The following MB21D2 variants were observed in gnomAD, a reference collection of about 807,000 sequenced individuals.
MB21D2 encodes nucleotidyltransferase MB21D2.
MB21D2 carries 9 observed loss-of-function variants against 33.3 expected under a neutral mutation model. The ratio of observed to expected loss-of-function variants is 0.27; its 90% CI spans 0.16 to 0.47. MB21D2 has a LOEUF of 0.47. Ranked by LOEUF, MB21D2 falls within the 20% of genes least tolerant of loss-of-function variation. MB21D2 has a pLI of 0.99. For synonymous variants in MB21D2, 241 were observed against 236.3 expected (o/e 1.02, Z -0.18); for missense variants, 540 against 624.6 (o/e 0.86, Z 1.44).
At chr3:192,906,318 A>G (rs1047461926) in intron 1 of MB21D2, among the ~76,000 whole-genome samples, 3 of 152,164 alleles carry the variant, frequency 2.0e-5, no homozygotes, top group Non-Finnish European at 4.4e-5. Context: ...GTGTGGTCCC[A>G]CCTGGAAAAC....
chr3:192,804,876 A>G (rs918585601), intron 1 of MB21D2, among the ~76,000 whole-genome samples: 1 of 152,244 alleles, frequency 6.6e-6, no homozygotes, highest in East Asian at 1.9e-4. Context: ...GGAACGTCTG[A>G]GATGTGGGCA....
Position 192,798,882 on chromosome 3 carries a change from A to G in MB21D2, c.980T>C (p.Ile327Thr). 6.2e-7 allele frequency: 1 copy of G among 1,613,590 alleles called. No individual in the cohort carries two copies. The highest frequency in any genetic ancestry group is 8.5e-7 in the Non-Finnish European group (1 of 1,179,812). ...IIKLLSRPKAISPYHLRSMML... is the reference protein window; with the variant it reads ...IIKLLSRPKATSPYHLRSMML... ...CATGCTCCGCAGGTGATAGGGGCTA[A>G]TAGCCTTGGGCCGGGACAGCAGTTT... is the stretch of plus-strand genomic sequence containing the variant. The change falls in exon 2 of 2, where the codon ATT becomes ACT. Residue 327 changes from isoleucine (I) to threonine (T), a missense_variant. Transcript: ENST00000392452. This position sits in a 1 kb window ranked among gnomAD's most constrained non-coding sequence, Gnocchi z 4.8.
At chr3:192,826,680 G>C (rs1483090008) in intron 1 of MB21D2, among the ~76,000 whole-genome samples, 1 of 152,192 alleles carries the variant, frequency 6.6e-6, no homozygotes, top group East Asian at 1.9e-4. Flanking sequence ...AGACAAGTTT[G>C]AGATTACAGA....
Position 192,803,883 on chromosome 3 carries a change from C to A in MB21D2, c.212-4233G>T, listed in dbSNP as rs114750343. ...GGAACAGAAGGAAGATGCACATACA[C>A]CACTGAGCTTGTTAGCAGCAAAACA... is the stretch of plus-strand genomic sequence containing the variant. On this transcript the variant is annotated intron_variant, in intron 1 of 1. Coordinates refer to ENST00000392452, the MANE Select transcript of MB21D2 (RefSeq NM_178496.4). 6.6e-3 allele frequency among the ~76,000 whole-genome samples: 1,001 copies of A among 152,270 alleles called. 17 individuals are homozygous for A. Among genetic ancestry groups the A allele is most frequent in the African/African-American group, 0.023 (937 of 41,546 alleles).
In MB21D2 at chr3:192,901,413, C is replaced by CAAAAAAAAAAAAAAAAAAAAA. The variant is rs71635401; in HGVS notation, c.211+16196_211+16216dup. On this transcript the variant is annotated intron_variant, in intron 1 of 1. Transcript: ENST00000392452. ...TGAAACCCCGTCTCTACTAAAAATTCAAAAAAAAAAAAAAAAAAAAAGACT... is the reference window on the plus strand; with the variant it reads ...TGAAACCCCGTCTCTACTAAAAATTCAAAAAAAAAAAAAAAAAAAAAAAAAAAAAAAAAAAAAAAAAAGACT... Among the ~76,000 whole-genome samples the CAAAAAAAAAAAAAAAAAAAAA allele has an allele frequency of 5.9e-5, 6 of 100,884 alleles. 1 individual carries two copies. Among genetic ancestry groups the CAAAAAAAAAAAAAAAAAAAAA allele is most frequent in the African/African-American group, 7.6e-5 (2 of 26,382 alleles). 66.2% of individuals were successfully genotyped at this position (100,884 alleles called of 152,430 possible).
intron 1 of MB21D2, among the ~76,000 whole-genome samples, chr3:192,868,395 C>T (rs925522939): frequency 1.3e-5 from 2 of 152,152 alleles, no homozygotes; most frequent in African/African-American, 2.4e-5. Flanking sequence ...AGCCAAGTAA[C>T]GGAAAGAAAC....
chr3:192,809,135 C>T (rs1711731229), intron 1 of MB21D2, among the ~76,000 whole-genome samples: 1 of 152,060 alleles, frequency 6.6e-6, no homozygotes, highest in Non-Finnish European at 1.5e-5. Context: ...CTCGCTCTGT[C>T]CCCAGGCTGG....
intron 1 of MB21D2, among the ~76,000 whole-genome samples, chr3:192,819,527 T>A (rs7629451): frequency 0.63 from 96,004 of 152,074 alleles, 31,876 homozygotes; most frequent in African/African-American, 0.84. Context: ...TCGGTTTTAC[T>A]TATTGGGCTT....
intron 1 of MB21D2, among the ~76,000 whole-genome samples, chr3:192,843,963 C>T (rs531036401): frequency 3.5e-4 from 54 of 152,280 alleles, no homozygotes; most frequent in African/African-American, 1.2e-3. Flanking sequence ...TGGGCCAGAG[C>T]ACCTGTCCTC....
chr3:192,837,151 A>C (rs1712458682), intron 1 of MB21D2, among the ~76,000 whole-genome samples: 1 of 152,174 alleles, frequency 6.6e-6, no homozygotes, highest in Non-Finnish European at 1.5e-5. Context: ...TCTGTTGACC[A>C]GAGTAAGTAT....
intron 1 of MB21D2, among the ~76,000 whole-genome samples, chr3:192,853,659 T>TA (rs1712854164): frequency 1.3e-5 from 2 of 151,990 alleles, no homozygotes; most frequent in Admixed American, 6.6e-5. Flanking sequence ...TTTTTTTTTT[T>TA]ATTCTCAAAA....
chr3:192,909,481 G>A (rs191754919), intron 1 of MB21D2, among the ~76,000 whole-genome samples: 49 of 152,112 alleles, frequency 3.2e-4, no homozygotes, highest in African/African-American at 8.9e-4. Flanking sequence ...AAAAACATAC[G>A]AACCACTAAT....
chr3:192,914,840 T>G (rs987728776), intron 1 of MB21D2, among the ~76,000 whole-genome samples: 2 of 151,790 alleles, frequency 1.3e-5, no homozygotes, highest in Non-Finnish European at 2.9e-5. Flanking sequence ...GACAGTGGAG[T>G]GTCTTGGTGT....
At chr3:192,873,255 C>A (rs556912573) in intron 1 of MB21D2, among the ~76,000 whole-genome samples, 1 of 152,300 alleles carries the variant, frequency 6.6e-6, no homozygotes, top group African/African-American at 2.4e-5. Flanking sequence ...GTTAACAATA[C>A]CCAAGTGTGT....
intron 1 of MB21D2, among the ~76,000 whole-genome samples, chr3:192,838,148 C>T (rs924887814): frequency 4.6e-5 from 7 of 152,178 alleles, no homozygotes; most frequent in Admixed American, 2.0e-4. Context: ...GACCAGAGGC[C>T]TCAGTTCTTC....
chr3:192,837,084 G>C (rs1021637277), intron 1 of MB21D2, among the ~76,000 whole-genome samples: 1 of 152,030 alleles, frequency 6.6e-6, no homozygotes, highest in East Asian at 1.9e-4. Context: ...TGACATTGAA[G>C]AACTAAAAAA....
At chr3:192,863,184 C>T (rs145320173) in intron 1 of MB21D2, among the ~76,000 whole-genome samples, 48 of 152,308 alleles carry the variant, frequency 3.2e-4, no homozygotes, top group African/African-American at 1.0e-3. Context: ...TGCCAAGCAG[C>T]CACCAGAGGC....
intron 1 of MB21D2, among the ~76,000 whole-genome samples, chr3:192,872,444 C>A (rs556781022): frequency 6.6e-6 from 1 of 151,534 alleles, no homozygotes; most frequent in Admixed American, 6.6e-5. Context: ...CACGTGGTGG[C>A]GAGCGCCTGT....
Position 192,798,797 on chromosome 3 carries a change from G to C in MB21D2, c.1065C>G (p.Ala355=). ...ANYLAQEDYA[A]HFLLGLIDDL... is the part of the protein sequence containing the mutation. ...CATCGATGAGGCCCAGCAAAAAGTG[G>C]GCTGCATAGTCTTCTTGAGCCAAGT... The change falls in exon 2 of 2, where the codon GCC becomes GCG. Residue 355 remains alanine, a synonymous_variant. Coordinates refer to ENST00000392452, the MANE Select transcript of MB21D2 (RefSeq NM_178496.4). This position sits in a 1 kb window ranked among gnomAD's most constrained non-coding sequence, Gnocchi z 4.8. 1 of 1,612,664 alleles carries C rather than the reference G, an allele frequency of 6.2e-7. No homozygotes were observed. Among genetic ancestry groups the C allele is most frequent in the Non-Finnish European group, 8.5e-7 (1 of 1,179,806 alleles).
Sources: allele counts gnomAD v4.1 joint callset (sites outside exome capture counted in the v4.1 genomes callset), GRCh38; gene constraint gnomAD v4.1.1; non-coding constraint Gnocchi (gnomAD v3.1); transcripts MANE v1.5; gene names NCBI Gene and HGNC (gene_info 2026-07-23, HGNC 2026-07-21).